ALDH3A1: variants seen among roughly 807,000 people sequenced by gnomAD.
The protein encoded by ALDH3A1 is aldehyde dehydrogenase, dimeric NADP-preferring.
In ALDH3A1, 46 loss-of-function variants were observed where a neutral mutation model predicts 49.9. That is an observed-to-expected ratio of 0.92 (90% confidence interval 0.73 to 1.18). ALDH3A1 has a LOEUF of 1.18. Among genes scored for constraint, ALDH3A1 ranks in the 50% most tolerant of loss-of-function variants. ALDH3A1 has a pLI of 0.00. For missense variants in ALDH3A1, 592 were observed against 611.8 expected, an observed-to-expected ratio of 0.97 and a Z score of 0.34; for synonymous variants, 269 against 253.3, an observed-to-expected ratio of 1.06 and a Z score of -0.59.
In ALDH3A1 at chr17:19,739,045, G is replaced by A. The variant is rs1279111902; in HGVS notation, c.1167C>T (p.Asn389=). ...AETSSGGVAA[N]DVIVHITLHS... is the part of the protein sequence containing the mutation. ...GCAAGGTGATGTGGACGATGACATC[G>A]TTGGCCGCCACCCCACCACTGGATG... is the stretch of plus-strand genomic sequence containing the variant. Residue 389 remains asparagine (N), a synonymous_variant, in exon 9 of 11, where the codon AAC becomes AAT. Transcript: ENST00000225740. The A allele has an allele frequency of 3.1e-6, 5 of 1,613,912 alleles. No individual in the cohort carries two copies. The highest frequency in any genetic ancestry group is 1.7e-5 in the Admixed American group (1 of 60,018).
intron 1 of ALDH3A1, chr17:19,745,351 G>C (rs2086582173): frequency 3.9e-6 from 2 of 514,934 alleles, no homozygotes; most frequent in African/African-American, 4.0e-5. Flanking sequence ...GGTGACACCC[G>C]CCGCAACCCG....
rs542345176 is a variant in ALDH3A1, at chr17:19,744,983, G to A, written c.147C>T (p.Ala49=). The change falls in exon 2 of 11, where the codon GCC becomes GCT. Residue 49 remains alanine, a synonymous_variant. Transcript: ENST00000225740. The part of the protein sequence containing the change: ...EQEQELVGAL[A]ADLHKNEWNA... The stretch of plus-strand genomic sequence containing the variant: ...GCCTGAGCACCTTGTGCAGGTCTGC[G>A]GCCAGCGCGCCCACCAGCTCCTGCT... The A allele has an allele frequency of 2.5e-6, 4 of 1,580,192 alleles. No individual in the cohort carries two copies. The South Asian group carries it at 3.4e-5, about 13-fold the overall frequency.
In ALDH3A1 at chr17:19,740,482, G is replaced by A; in HGVS notation, c.808-5C>T. ...AGCATCTTCCCCGTAGAACTCCTGT[G>A]GAGAAGAGGTGGGGGCTTCGGGTAA... On this transcript the variant is annotated splice_region_variant and splice_polypyrimidine_tract_variant and intron_variant, in intron 6 of 10. Coordinates refer to ENST00000225740, the MANE Select transcript of ALDH3A1 (RefSeq NM_000691.5). 6.2e-7 allele frequency: 1 copy of A among 1,613,828 alleles called. No homozygotes were observed. Among genetic ancestry groups the A allele is most frequent in the Admixed American group, 1.7e-5 (1 of 60,028 alleles).
chr17:19,741,280 T>C, intron 5 of ALDH3A1, 70 bp from the exon 6 acceptor site: 1 of 1,361,024 alleles, frequency 7.3e-7, no homozygotes, highest in Non-Finnish European at 1.0e-6. Context: ...TGCAGACCCC[T>C]GAGCTCTCTG....
chr17:19,744,380 G>A (rs2086559078), intron 2 of ALDH3A1: 1 of 969,250 alleles, frequency 1.0e-6, no homozygotes, highest in Admixed American at 6.2e-5. Flanking sequence ...TCCAGCCTGG[G>A]CGACAGAGCG....
chr17:19,744,358 G>A lies in ALDH3A1; in HGVS notation c.162+610C>T, dbSNP rs533116559. ...GCGGAGGTTGCAGTGAGCCGAGATC[G>A]CGCCATTACACTCCAGCCTGGGCGA... On this transcript the variant is annotated intron_variant, in intron 2 of 10. Transcript: ENST00000225740. 6 of 928,894 alleles carry A rather than the reference G, an allele frequency of 6.5e-6. No individual in the cohort carries two copies. In the South Asian group the frequency reaches 2.0e-4, roughly 31 times the overall value. 57.5% of individuals were successfully genotyped at this position (928,894 alleles called of 1,614,324 possible).
At position 19,742,123 on chromosome 17, in the gene ALDH3A1, C is replaced by T. The variant is rs370424410; in HGVS notation, c.570G>A (p.Thr190=). ...RFDHILYTGS[T]GVGKIIMTAA... ...CCGTCATGATGATCTTCCCCACCCC[C>T]GTGCTGCCCGTGTACAGGATATGGT... is the stretch of plus-strand genomic sequence containing the variant. The change falls in exon 5 of 11, where the codon ACG becomes ACA. Residue 190 remains threonine, a synonymous_variant. Transcript: ENST00000225740. 11 of 1,613,954 alleles carry T rather than the reference C, an allele frequency of 6.8e-6. No homozygotes were observed. Among genetic ancestry groups the T allele is most frequent in the African/African-American group, 6.7e-5 (5 of 74,912 alleles).
At position 19,738,432 on chromosome 17, in the gene ALDH3A1, T is replaced by G. The variant is rs775794171; in HGVS notation, c.1238A>C (p.Tyr413Ser). The change falls in exon 10 of 11, where the codon TAC becomes TCC. Residue 413 changes from tyrosine (Y) to serine (S), a missense_variant. Tyr to Ser is a moderately radical substitution (Grantham distance 144). Transcript: ENST00000225740. The part of the protein sequence containing the change: ...GGVGNSGMGS[Y>S]HGKKSFETFS... ...AGTCTCGAAGCTCTTCTTGCCATGG[T>G]AGGATCCCATGCCGCTGTTCCCTGC... The G allele has an allele frequency of 6.2e-7, 1 of 1,613,338 alleles. No individual in the cohort carries two copies. The highest frequency in any genetic ancestry group is 8.5e-7 in the Non-Finnish European group (1 of 1,179,542).
Position 19,742,563 on chromosome 17 carries a change from G to A in ALDH3A1, c.462C>T (p.Ile154=), listed in dbSNP as rs769604016. Residue 154 remains isoleucine (I), a synonymous_variant, in exon 4 of 11, where the codon ATC becomes ATT. Transcript: ENST00000225740. ...ENMASLLATI[I]PQYLDKDLYP... ...AACTCACCTTGTCCAGGTACTGGGGGATGATGGTAGCCAGCAGGCTCGCCA... is the reference window on the plus strand; with the variant it reads ...AACTCACCTTGTCCAGGTACTGGGGAATGATGGTAGCCAGCAGGCTCGCCA... 5.8e-5 allele frequency: 93 copies of A among 1,613,672 alleles called. No individual in the cohort carries two copies. Among genetic ancestry groups the A allele is most frequent in the Non-Finnish European group, 7.7e-5 (91 of 1,179,856 alleles).
Position 19,739,000 on chromosome 17 carries a change from G to A in ALDH3A1, c.1212C>T (p.Gly404=), listed in dbSNP as rs137895975. The A allele has an allele frequency of 5.6e-5, 90 of 1,612,836 alleles. 1 individual carries two copies. The African/African-American group carries it at 7.2e-4, about 13-fold the overall frequency. The change falls in exon 9 of 11, where the codon GGC becomes GGT. Residue 404 remains glycine (G), a synonymous_variant. Coordinates refer to ENST00000225740, the MANE Select transcript of ALDH3A1 (RefSeq NM_000691.5). ...CAAGCTCAGCCCCAGACTCACCCAC[G>A]CCCCCGAAGGGCAGAGAGTGCAAGG... is the stretch of plus-strand genomic sequence containing the variant. ...HITLHSLPFG[G]VGNSGMGSYH...
chr17:19,740,196 C>G (rs976431949), intron 7 of ALDH3A1, 140 bp downstream of exon 7: 26 of 1,135,294 alleles, frequency 2.3e-5, no homozygotes, highest in Non-Finnish European at 3.2e-5. Flanking sequence ...TGGAGTCTAC[C>G]GCAGGCTCCC....
chr17:19,744,895 T>TGCCCCCCCC, intron 2 of ALDH3A1, 73 bp downstream of exon 2: 361 of 924,024 alleles, frequency 3.9e-4, no homozygotes, highest in East Asian at 1.1e-3. Flanking sequence ...GGTCGCACTC[T>TGCCCCCCCC]CCCCAGCCCC....
intron 4 of ALDH3A1, 124 bp from the exon 5 acceptor site, chr17:19,742,336 G>C: frequency 1.7e-6 from 2 of 1,190,474 alleles, no homozygotes; most frequent in South Asian, 1.4e-5. Flanking sequence ...CCTTGGGCGG[G>C]GGGTAGCAGT....
chr17:19,741,752 A>G (rs906998386), intron 5 of ALDH3A1, among the ~76,000 whole-genome samples: 1 of 152,044 alleles, frequency 6.6e-6, no homozygotes, highest in Non-Finnish European at 1.5e-5. Context: ...CCACTTCCCC[A>G]GTGATGCGCA....
chr17:19,740,490 G>A lies in ALDH3A1; in HGVS notation c.808-13C>T, dbSNP rs1338080379. ...CCCCGTAGAACTCCTGTGGAGAAGAGGTGGGGGCTTCGGGTAAGGACGCAG... is the reference window on the plus strand; with the variant it reads ...CCCCGTAGAACTCCTGTGGAGAAGAAGTGGGGGCTTCGGGTAAGGACGCAG... On this transcript the variant is annotated splice_polypyrimidine_tract_variant and intron_variant, in intron 6 of 10. Coordinates refer to ENST00000225740, the MANE Select transcript of ALDH3A1 (RefSeq NM_000691.5). 6.2e-7 allele frequency: 1 copy of A among 1,613,612 alleles called. No individual in the cohort carries two copies. Among genetic ancestry groups the A allele is most frequent in the Admixed American group, 1.7e-5 (1 of 60,008 alleles).
In ALDH3A1 at chr17:19,743,347, A is replaced by G. The variant is rs754055250; in HGVS notation, c.279T>C (p.Thr93=). The G allele has an allele frequency of 1.2e-6, 2 of 1,614,062 alleles. No homozygotes were observed. The highest frequency in any genetic ancestry group is 2.2e-5 in the South Asian group (2 of 91,088). Residue 93 remains threonine, a synonymous_variant, in exon 3 of 11, where the codon ACT becomes ACC. Transcript: ENST00000225740. The surrounding 1 kb of genome is among the most constrained non-coding windows in gnomAD (Gnocchi z 4.4). ...ADEPVEKTPQ[T]QQDELYIHSE... The stretch of plus-strand genomic sequence containing the variant: ...AGTGGATGTAGAGCTCGTCCTGCTG[A>G]GTCTGGGGCGTCTTCTCCACGGGCT...
chr17:19,741,744 A>G (rs2086496138), intron 5 of ALDH3A1, among the ~76,000 whole-genome samples: 1 of 151,884 alleles, frequency 6.6e-6, no homozygotes, highest in Non-Finnish European at 1.5e-5. Context: ...TTGGAGTACC[A>G]CTTCCCCAGT....
rs770963389 is a variant in ALDH3A1 at position 19,738,413 on chromosome 17, G to A, written c.1257C>T (p.Phe419=). 7.4e-6 allele frequency: 12 copies of A among 1,613,496 alleles called. No individual in the cohort carries two copies. The highest frequency in any genetic ancestry group is 2.7e-5 in the African/African-American group (2 of 74,906). The change falls in exon 10 of 11, where the codon TTC becomes TTT. Residue 419 remains phenylalanine, a synonymous_variant. Transcript: ENST00000225740. ...GMGSYHGKKS[F]ETFSHRRSCL... is the part of the protein sequence containing the mutation. The stretch of plus-strand genomic sequence containing the variant: ...AAGAGCGGCGGTGAGAGAAAGTCTC[G>A]AAGCTCTTCTTGCCATGGTAGGATC...
chr17:19,739,704 G>A (rs756374004), intron 7 of ALDH3A1, 30 bp from the exon 8 acceptor site: 18 of 1,610,392 alleles, frequency 1.1e-5, no homozygotes, highest in East Asian at 2.2e-5. Flanking sequence ...AGAGTTGGAC[G>A]GCGCAGAGAC....
Sources: gnomAD v4.1 joint callset for allele counts (sites outside exome capture counted in the v4.1 genomes callset) on GRCh38, gnomAD v4.1.1 for gene constraint, Gnocchi (gnomAD v3.1) non-coding constraint, MANE v1.5 for transcripts, NCBI Gene and HGNC (gene_info 2026-07-23, HGNC 2026-07-21) for gene names.